Variants in ABAT observed in about 807,000 individuals in gnomAD.
ABAT encodes 4-aminobutyrate aminotransferase, mitochondrial.
ABAT carries 45 observed loss-of-function variants against 64.6 expected under a neutral mutation model. That is an observed-to-expected ratio of 0.70 (90% CI 0.55 to 0.89). ABAT has a LOEUF of 0.89. Among genes scored for constraint, ABAT ranks in the 40% least tolerant of loss-of-function variants. The pLI is 0.00. For synonymous variants in ABAT, 297 were observed against 250.5 expected (o/e 1.19, Z -1.75); for missense variants, 633 against 658.4 (o/e 0.96, Z 0.42).
At chr16:8,688,456 A>T (rs2057506874) in intron 1 of ABAT, among the ~76,000 whole-genome samples, 1 of 152,110 alleles carries the variant, frequency 6.6e-6, no homozygotes, top group Non-Finnish European at 1.5e-5. Context: ...CTGTACCTTT[A>T]TTCCTCAAGT....
intron 1 of ABAT, among the ~76,000 whole-genome samples, chr16:8,730,044 G>C (rs764866393): frequency 3.9e-5 from 6 of 152,096 alleles, no homozygotes; most frequent in Non-Finnish European, 7.4e-5. Flanking sequence ...CACCCCACCC[G>C]TGATAGTACC....
intron 1 of ABAT, among the ~76,000 whole-genome samples, chr16:8,678,627 G>T (rs1422661112): frequency 1.3e-5 from 2 of 152,168 alleles, no homozygotes; most frequent in Non-Finnish European, 2.9e-5. Flanking sequence ...CATGCTCTTT[G>T]GTCCAGCAAT....
chr16:8,748,472 T>C (rs569653800), intron 4 of ABAT, among the ~76,000 whole-genome samples: 1 of 152,192 alleles, frequency 6.6e-6, no homozygotes, highest in East Asian at 1.9e-4. Context: ...GCCTGGAGAA[T>C]ATTCCATATG....
At chr16:8,768,563 G>C (rs907234474) in intron 10 of ABAT, among the ~76,000 whole-genome samples, 1 of 152,156 alleles carries the variant, frequency 6.6e-6, no homozygotes, top group African/African-American at 2.4e-5. Context: ...TGCCAATTAA[G>C]GGTTCGAGAG....
At chr16:8,732,506 C>T (rs973582796) in intron 1 of ABAT, among the ~76,000 whole-genome samples, 2 of 151,466 alleles carry the variant, frequency 1.3e-5, no homozygotes, top group Non-Finnish European at 2.9e-5. Flanking sequence ...TGAGTGGACA[C>T]AGCACATGTT....
At position 8,705,751 on chromosome 16, in the gene ABAT, A is replaced by T. The variant is rs926648048; in HGVS notation, c.-41-29948A>T. ...GTTTTTTTGTTCTGAATCTCATTTC[A>T]AAGAGAGCAGATTGACTCCACACCT... is the stretch of plus-strand genomic sequence containing the variant. On this transcript the variant is annotated intron_variant, in intron 1 of 15. Coordinates refer to ENST00000268251, the MANE Select transcript of ABAT (RefSeq NM_020686.6). Among the ~76,000 whole-genome samples the T allele has an allele frequency of 2.6e-5, 4 of 152,238 alleles. No homozygotes were observed. In the East Asian group the frequency reaches 7.7e-4, roughly 29 times the overall value.
chr16:8,687,948 G>A (rs1424205918), intron 1 of ABAT, among the ~76,000 whole-genome samples: 1 of 151,932 alleles, frequency 6.6e-6, no homozygotes, highest in African/African-American at 2.4e-5. Context: ...GCTCAAGCTG[G>A]AGTGCACTGG....
intron 1 of ABAT, among the ~76,000 whole-genome samples, chr16:8,689,575 A>C (rs1407510099): frequency 1.3e-5 from 2 of 152,222 alleles, no homozygotes; most frequent in Non-Finnish European, 2.9e-5. Context: ...CAAGACATGA[A>C]CCAAATAATT....
At chr16:8,721,716 G>T (rs2058377065) in intron 1 of ABAT, among the ~76,000 whole-genome samples, 1 of 152,228 alleles carries the variant, frequency 6.6e-6, no homozygotes, top group African/African-American at 2.4e-5. Context: ...CAAATTGGAA[G>T]AGTTTGTTTC....
At chr16:8,720,401 C>T (rs1403368279) in intron 1 of ABAT, among the ~76,000 whole-genome samples, 1 of 152,232 alleles carries the variant, frequency 6.6e-6, no homozygotes, top group Admixed American at 6.5e-5. Flanking sequence ...GGACATTTGC[C>T]TGTTTCCAAG....
At chr16:8,732,387 T>TC (rs1596435121) in intron 1 of ABAT, among the ~76,000 whole-genome samples, 1 of 150,722 alleles carries the variant, frequency 6.6e-6, no homozygotes, top group East Asian at 1.9e-4. Flanking sequence ...AGTGTTTGTG[T>TC]CCCTGGGTAC....
At chr16:8,688,658 G>T (rs1479744368) in intron 1 of ABAT, among the ~76,000 whole-genome samples, 6 of 152,072 alleles carry the variant, frequency 3.9e-5, no homozygotes, top group South Asian at 2.1e-4. Flanking sequence ...TTACTATGTT[G>T]CCCAGGCTAG....
intron 6 of ABAT, among the ~76,000 whole-genome samples, chr16:8,763,853 A>G (rs1397334722): frequency 6.6e-6 from 1 of 152,242 alleles, no homozygotes; most frequent in Non-Finnish European, 1.5e-5. Context: ...TATGGCAACC[A>G]GGACACTGAC....
intron 1 of ABAT, among the ~76,000 whole-genome samples, chr16:8,725,950 A>T (rs1418930127): frequency 2.0e-5 from 3 of 151,888 alleles, no homozygotes; most frequent in Non-Finnish European, 4.4e-5. Flanking sequence ...CAGCTCAGTG[A>T]CCCCAGCATC....
At chr16:8,771,464 C>CTT (rs1207440161) in intron 11 of ABAT, among the ~76,000 whole-genome samples, 3 of 108,456 alleles carry the variant, frequency 2.8e-5, no homozygotes, top group African/African-American at 9.7e-5. Flanking sequence ...TAGGGTTTTT[C>CTT]TTTCTTTTTT....
intron 15 of ABAT, among the ~76,000 whole-genome samples, chr16:8,780,922 T>C (rs1075853): frequency 0.35 from 52,549 of 151,984 alleles, 9,173 homozygotes; most frequent in Non-Finnish European, 0.36. Flanking sequence ...TTGCAACTTA[T>C]TTGCTTACCT....
In ABAT at chr16:8,680,582, C is replaced by T. The variant is rs141679356; in HGVS notation, c.-42+5871C>T. Among the ~76,000 whole-genome samples, 748 of 152,178 alleles carry T rather than the reference C, an allele frequency of 4.9e-3. 5 individuals are homozygous for T. Among genetic ancestry groups the T allele is most frequent in the African/African-American group, 0.017 (701 of 41,502 alleles). On this transcript the variant is annotated intron_variant, in intron 1 of 15. Transcript: ENST00000268251. ...GGATTACATGTGTGGGCCACAACCACGCCCGGCTAATTTTTTTGTATTTTT... is the reference window on the plus strand; with the variant it reads ...GGATTACATGTGTGGGCCACAACCATGCCCGGCTAATTTTTTTGTATTTTT...
At position 8,698,485 on chromosome 16, in the gene ABAT, C is replaced by T. The variant is rs139245218; in HGVS notation, c.-42+23774C>T. Among the ~76,000 whole-genome samples, 982 of 152,166 alleles carry T rather than the reference C, an allele frequency of 6.5e-3. 16 individuals are homozygous for T. Among genetic ancestry groups the T allele is most frequent in the African/African-American group, 0.022 (911 of 41,524 alleles). On this transcript the variant is annotated intron_variant, in intron 1 of 15. Transcript: ENST00000268251. ...AGTAGCTGGGATTACAGGCACCTGC[C>T]GCCACACCCAGCTAATTCTTGTATG...
At chr16:8,680,437 T>C (rs114457385) in intron 1 of ABAT, among the ~76,000 whole-genome samples, 2 of 152,104 alleles carry the variant, frequency 1.3e-5, no homozygotes, top group African/African-American at 4.8e-5. Context: ...TGTATTTTTT[T>C]GGGGGGCAGG....
Sources: allele counts gnomAD v4.1 joint callset (sites outside exome capture counted in the v4.1 genomes callset), GRCh38; gene constraint gnomAD v4.1.1; transcripts MANE v1.5; gene names NCBI Gene and HGNC (gene_info 2026-07-23, HGNC 2026-07-21).